The following SLC44A1 variants were observed in gnomAD, a reference collection of about 807,000 sequenced individuals.
The protein encoded by SLC44A1 is choline transporter-like protein 1.
A neutral mutation model predicts 79.3 loss-of-function variants in SLC44A1; 26 were observed. The ratio of observed to expected loss-of-function variants is 0.33; its 90% CI spans 0.24 to 0.46. The LOEUF is 0.46. Ranked by LOEUF, SLC44A1 falls within the 20% of genes least tolerant of loss-of-function variation. The pLI is 1.00. For missense variants in SLC44A1, 688 were observed against 798.1 expected (o/e 0.86, Z 1.66); for synonymous variants, 263 against 286.2 (o/e 0.92, Z 0.82).
At position 105,299,235 on chromosome 9, in the gene SLC44A1, T is replaced by G; in HGVS notation, c.52T>G (p.Trp18Gly). The stretch of plus-strand genomic sequence containing the variant: ...TTCCAATTAGAGCTCCAAACGAGAA[T>G]GGAAGCCGCTGGAGGACCGTAGCTG... Reference protein sequence around the residue: ...SSAAQSSKREWKPLEDRSCTD... With the variant: ...SSAAQSSKREGKPLEDRSCTD... Residue 18 changes from tryptophan to glycine, a missense_variant, in exon 2 of 16, where the codon TGG becomes GGG. Coordinates refer to ENST00000374720, the MANE Select transcript of SLC44A1 (RefSeq NM_080546.5). 1 of 1,590,162 alleles carries G rather than the reference T, an allele frequency of 6.3e-7. No homozygotes were observed. The highest frequency in any genetic ancestry group is 8.5e-7 in the Non-Finnish European group (1 of 1,171,902).
chr9:105,261,793 T>TG, intron 1 of SLC44A1, among the ~76,000 whole-genome samples: 2 of 149,118 alleles, frequency 1.3e-5, no homozygotes, highest in Admixed American at 1.3e-4. Context: ...TTTTTTTTTT[T>TG]TTTTGAGAGG....
At chr9:105,437,000 G>C (rs1829471660) in intron 15 of SLC44A1, among the ~76,000 whole-genome samples, 1 of 152,062 alleles carries the variant, frequency 6.6e-6, no homozygotes, top group Non-Finnish European at 1.5e-5. Flanking sequence ...AGCTCTCCTG[G>C]CATCTTGTGG....
At chr9:105,330,601 G>A (rs954931871) in intron 3 of SLC44A1, among the ~76,000 whole-genome samples, 1 of 152,120 alleles carries the variant, frequency 6.6e-6, no homozygotes, top group African/African-American at 2.4e-5. Context: ...CTGAGTTTCA[G>A]TGATATAATG....
chr9:105,435,588 T>A (rs867841905), intron 15 of SLC44A1, among the ~76,000 whole-genome samples: 13 of 152,174 alleles, frequency 8.5e-5, no homozygotes, highest in African/African-American at 2.9e-4. Context: ...GCAAAGTTGG[T>A]TAATCAGTTA....
At chr9:105,244,978 G>A (rs1272484191) in intron 1 of SLC44A1, 74 bp downstream of exon 1, 3 of 515,758 alleles carry the variant, frequency 5.8e-6, no homozygotes, top group Non-Finnish European at 5.0e-6. Flanking sequence ...GGCGCCCGCC[G>A]CCCGATACCT....
chr9:105,394,594 T>C lies in SLC44A1; in HGVS notation c.*5538T>C, dbSNP rs1208047990. On this transcript the variant is annotated 3_prime_UTR_variant, in exon 16 of 16. Coordinates refer to ENST00000374720, the MANE Select transcript of SLC44A1 (RefSeq NM_080546.5). ...CCAAAACACTTGATTCTTTTTATTG[T>C]AGCTCAGCTATGACATTATGACATT... The C allele has an allele frequency of 4.1e-6, 4 of 985,238 alleles. No homozygotes were observed. The East Asian group carries it at 4.5e-4, about 111-fold the overall frequency. 61.0% of individuals were successfully genotyped at this position (985,238 alleles called of 1,614,324 possible).
At position 105,428,421 on chromosome 9, in the gene SLC44A1, G is replaced by A. The variant is rs180757518; in HGVS notation, c.1951-9860G>A. ...TTGTGTGGATATTTTGTCACATGGAGTAGATCTATGATATTCTAAGAAGTA... is the reference window on the plus strand; with the variant it reads ...TTGTGTGGATATTTTGTCACATGGAATAGATCTATGATATTCTAAGAAGTA... On this transcript the variant is annotated intron_variant, in intron 15 of 15. Coordinates refer to the SLC44A1 transcript ENST00000374724. Among the ~76,000 whole-genome samples, 380 of 152,272 alleles carry A rather than the reference G, an allele frequency of 2.5e-3. 1 individual carries two copies. The highest frequency in any genetic ancestry group is 4.4e-3 in the Non-Finnish European group (296 of 68,028).
chr9:105,348,101 T>C (rs545813077), intron 4 of SLC44A1, among the ~76,000 whole-genome samples: 1 of 152,084 alleles, frequency 6.6e-6, no homozygotes, highest in Non-Finnish European at 1.5e-5. Context: ...AACCTGACAC[T>C]CAATAAAGGT....
At chr9:105,293,699 C>A (rs956269475) in intron 1 of SLC44A1, among the ~76,000 whole-genome samples, 9 of 152,178 alleles carry the variant, frequency 5.9e-5, no homozygotes, top group East Asian at 1.9e-4. Context: ...ATATCACTTA[C>A]CAAAACCTCT....
Position 105,262,345 on chromosome 9 carries a change from C to T in SLC44A1, c.36+17441C>T, listed in dbSNP as rs327994. 8.4e-3 allele frequency among the ~76,000 whole-genome samples: 1,277 copies of T among 152,088 alleles called. 3 individuals are homozygous for T. The highest frequency in any genetic ancestry group is 0.031 in the Middle Eastern group (9 of 292). On this transcript the variant is annotated intron_variant, in intron 1 of 15. Transcript: ENST00000374720. The stretch of plus-strand genomic sequence containing the variant: ...TATACAGAGTGAAAAAAATACTGTC[C>T]TTGAGTAAGAAAATAACAAAGCTTC...
intron 5 of SLC44A1, 57 bp downstream of exon 5, chr9:105,348,508 A>T: frequency 9.7e-7 from 1 of 1,034,790 alleles, no homozygotes; most frequent in Non-Finnish European, 1.5e-6. Context: ...GGTAAATTTT[A>T]AACAATATAT....
At chr9:105,299,676 G>A (rs1830825042) in intron 2 of SLC44A1, 1 of 536,084 alleles carries the variant, frequency 1.9e-6, no homozygotes, top group Non-Finnish European at 2.4e-6. Context: ...GGGACTTGGT[G>A]TTCCACAGTT....
chr9:105,395,680 G>A lies in SLC44A1; in HGVS notation c.*6624G>A, dbSNP rs1305834220. On this transcript the variant is annotated 3_prime_UTR_variant, in exon 16 of 16. Transcript: ENST00000374720. ...ACTTAAAGGGAATATTCTGACCTTC[G>A]TGTATGAATCTGATCCACCCATCCT... is the stretch of plus-strand genomic sequence containing the variant. 17 of 985,218 alleles carry A rather than the reference G, an allele frequency of 1.7e-5. No individual in the cohort carries two copies. The highest frequency in any genetic ancestry group is 1.8e-5 in the Non-Finnish European group (15 of 829,918). 61.0% of individuals were successfully genotyped at this position (985,218 alleles called of 1,614,324 possible). A position where few individuals can be genotyped will look rare whatever the true frequency, so the allele number is the denominator to read the frequency against.
intron 3 of SLC44A1, among the ~76,000 whole-genome samples, chr9:105,313,612 G>A (rs1831238531): frequency 6.6e-6 from 1 of 152,078 alleles, no homozygotes; most frequent in South Asian, 2.1e-4. Context: ...GGGGATCAGG[G>A]TGGTAGTAAT....
intron 3 of SLC44A1, among the ~76,000 whole-genome samples, chr9:105,311,184 C>T (rs923724639): frequency 5.3e-5 from 8 of 152,178 alleles, no homozygotes; most frequent in Non-Finnish European, 7.4e-5. Context: ...AGCAAGACTA[C>T]GATTTTTTTA....
At chr9:105,283,182 G>A (rs774133667) in intron 1 of SLC44A1, among the ~76,000 whole-genome samples, 11 of 152,200 alleles carry the variant, frequency 7.2e-5, no homozygotes, top group Non-Finnish European at 1.5e-4. Flanking sequence ...TGGAGCGGGT[G>A]CTGAAGGTTG....
chr9:105,350,978 T>G (rs1300012091), intron 5 of SLC44A1, among the ~76,000 whole-genome samples: 1 of 152,224 alleles, frequency 6.6e-6, no homozygotes, highest in Non-Finnish European at 1.5e-5. Context: ...AGCTTTTGAA[T>G]TTTAAAAACA....
At chr9:105,265,202 G>A (rs1274848604) in intron 1 of SLC44A1, among the ~76,000 whole-genome samples, 6 of 152,092 alleles carry the variant, frequency 3.9e-5, no homozygotes, top group African/African-American at 1.4e-4. Flanking sequence ...ACAGTTGTAT[G>A]AACTTTGACA....
intron 4 of SLC44A1, among the ~76,000 whole-genome samples, 183 bp downstream of exon 4, chr9:105,335,882 C>T (rs1379023037): frequency 6.6e-6 from 1 of 152,142 alleles, no homozygotes; most frequent in Non-Finnish European, 1.5e-5. Flanking sequence ...TCCTGGGCCC[C>T]TCCCTGGGCA....
Sources: gnomAD v4.1 joint callset for allele counts (sites outside exome capture counted in the v4.1 genomes callset) on GRCh38, gnomAD v4.1.1 for gene constraint, MANE v1.5 for transcripts, NCBI Gene and HGNC (gene_info 2026-07-23, HGNC 2026-07-21) for gene names.